The following SNTG1 variants were observed in gnomAD, a reference collection of about 807,000 sequenced individuals.
SNTG1 encodes the protein syntrophin gamma 1.
A neutral mutation model predicts 74.7 loss-of-function variants in SNTG1; 39 were observed. The observed-to-expected ratio is 0.52, with a 90% CI of 0.40 to 0.68. SNTG1 has a LOEUF of 0.68. Ranked by LOEUF, SNTG1 falls within the 30% of genes least tolerant of loss-of-function variation. The probability of loss-of-function intolerance (pLI) is 0.00; values close to 1 mark genes in which losing one functional copy is unlikely to be tolerated. For synonymous variants in SNTG1, 254 were observed against 217.1 expected, an observed-to-expected ratio of 1.17 and a Z score of -1.49; for missense variants, 685 against 609.5, an observed-to-expected ratio of 1.12 and a Z score of -1.30.
intron 2 of SNTG1, among the ~76,000 whole-genome samples, chr8:50,206,151 C>A (rs1322459227): frequency 3.3e-5 from 5 of 152,232 alleles, no homozygotes; most frequent in African/African-American, 1.2e-4. Flanking sequence ...CTATAAATTA[C>A]CTTGGGCAGT....
intron 1 of SNTG1, among the ~76,000 whole-genome samples, chr8:49,942,551 C>T (rs1220977558): frequency 5.3e-5 from 8 of 152,086 alleles, no homozygotes; most frequent in Non-Finnish European, 1.0e-4. Flanking sequence ...CTTCAAGATC[C>T]CACCCAGGAC....
At chr8:50,202,155 T>G (rs1429492423) in intron 2 of SNTG1, among the ~76,000 whole-genome samples, 1 of 152,174 alleles carries the variant, frequency 6.6e-6, no homozygotes, top group African/African-American at 2.4e-5. Flanking sequence ...TAGATTTTCT[T>G]ATCATGGTCT....
intron 1 of SNTG1, among the ~76,000 whole-genome samples, chr8:50,005,804 T>C (rs955332210): frequency 6.6e-6 from 1 of 152,012 alleles, no homozygotes; most frequent in Non-Finnish European, 1.5e-5. Context: ...ACTATTTTTT[T>C]TCAGTATTTT....
chr8:50,151,759 A>G (rs887533053), intron 1 of SNTG1, among the ~76,000 whole-genome samples: 21 of 152,162 alleles, frequency 1.4e-4, no homozygotes, highest in African/African-American at 5.1e-4. Context: ...GTTTGATTGC[A>G]CTGTGGTCTG....
At chr8:50,211,746 G>A (rs940157527) in intron 2 of SNTG1, among the ~76,000 whole-genome samples, 1 of 152,040 alleles carries the variant, frequency 6.6e-6, no homozygotes, top group Non-Finnish European at 1.5e-5. Flanking sequence ...AAGAAACATT[G>A]CAATTACAAA....
intron 2 of SNTG1, among the ~76,000 whole-genome samples, chr8:50,353,811 G>A (rs1481428994): frequency 1.3e-5 from 2 of 152,218 alleles, no homozygotes; most frequent in Non-Finnish European, 2.9e-5. Context: ...ATGTGAAAGA[G>A]TGAAGAATTG....
intron 13 of SNTG1, among the ~76,000 whole-genome samples, chr8:50,629,923 T>A (rs1450949762): frequency 6.6e-6 from 1 of 152,334 alleles, no homozygotes; most frequent in South Asian, 2.1e-4. Flanking sequence ...GCTGCTTCGA[T>A]ATTATAAATA....
At position 50,180,728 on chromosome 8, in the gene SNTG1, G is replaced by A. The variant is rs558631588; in HGVS notation, c.-28+8093G>A. ...AGCATTTTAGATTAATTTTGCTTGC[G>A]TTTCCCACCAGATTGTGAAGCCTTT... On this transcript the variant is annotated intron_variant, in intron 2 of 18. Coordinates refer to ENST00000642720, the MANE Select transcript of SNTG1 (RefSeq NM_018967.5). Among the ~76,000 whole-genome samples the A allele has an allele frequency of 2.1e-3, 251 of 120,948 alleles. 2 individuals are homozygous for A. Among genetic ancestry groups the A allele is most frequent in the African/African-American group, 7.3e-3 (230 of 31,502 alleles). 79.3% of individuals were successfully genotyped at this position (120,948 alleles called of 152,430 possible).
chr8:50,572,153 C>G (rs1474954647), intron 12 of SNTG1, among the ~76,000 whole-genome samples: 3 of 152,020 alleles, frequency 2.0e-5, no homozygotes, highest in Admixed American at 6.6e-5. Flanking sequence ...ACACCTGCCC[C>G]TATGAGAAGA....
At chr8:49,943,901 T>C (rs569259620) in intron 1 of SNTG1, among the ~76,000 whole-genome samples, 2 of 152,210 alleles carry the variant, frequency 1.3e-5, no homozygotes, top group South Asian at 2.1e-4. Context: ...TTAATTTGAG[T>C]AATGCATTTA....
chr8:50,564,893 A>G (rs889125817), intron 12 of SNTG1, among the ~76,000 whole-genome samples: 2 of 152,120 alleles, frequency 1.3e-5, no homozygotes, highest in Non-Finnish European at 2.9e-5. Flanking sequence ...ATTAATGTGT[A>G]TAGCAATCTT....
intron 1 of SNTG1, among the ~76,000 whole-genome samples, chr8:50,099,280 T>C (rs755172907): frequency 1.1e-4 from 17 of 152,216 alleles, no homozygotes; most frequent in Non-Finnish European, 1.9e-4. Flanking sequence ...AGAACCCAGA[T>C]ATTCTTTATA....
intron 17 of SNTG1, among the ~76,000 whole-genome samples, chr8:50,745,897 T>C (rs1468471364): frequency 1.3e-5 from 2 of 151,944 alleles, no homozygotes; most frequent in Non-Finnish European, 2.9e-5. Context: ...ATATGATTAA[T>C]GGGTACAGAG....
At chr8:49,942,532 T>C (rs937971982) in intron 1 of SNTG1, among the ~76,000 whole-genome samples, 1 of 152,218 alleles carries the variant, frequency 6.6e-6, no homozygotes, top group African/African-American at 2.4e-5. Context: ...TCTGCTGTTC[T>C]TTTTTCTGCT....
chr8:50,003,198 T>G (rs1363363310), intron 1 of SNTG1, among the ~76,000 whole-genome samples: 1 of 152,178 alleles, frequency 6.6e-6, no homozygotes, highest in Non-Finnish European at 1.5e-5. Flanking sequence ...TATGACTGTA[T>G]TAAAAACCAC....
At chr8:50,488,333 A>T (rs1489722963) in intron 8 of SNTG1, among the ~76,000 whole-genome samples, 1 of 152,230 alleles carries the variant, frequency 6.6e-6, no homozygotes, top group African/African-American at 2.4e-5. Flanking sequence ...AGTCTGCCAC[A>T]TATTAGGTGC....
At chr8:49,994,237 G>T (rs1377958118) in intron 1 of SNTG1, among the ~76,000 whole-genome samples, 2 of 147,016 alleles carry the variant, frequency 1.4e-5, no homozygotes, top group South Asian at 2.2e-4. Flanking sequence ...TAATATTCAA[G>T]ATTATTATTT....
At chr8:50,048,794 G>C (rs1819318856) in intron 1 of SNTG1, among the ~76,000 whole-genome samples, 1 of 151,928 alleles carries the variant, frequency 6.6e-6, no homozygotes, top group African/African-American at 2.4e-5. Flanking sequence ...TTTTACCTCT[G>C]ACCTGAAATT....
Position 50,211,392 on chromosome 8 carries a change from A to T in SNTG1, c.-28+38757A>T, listed in dbSNP as rs2084515105. 2.0e-5 allele frequency among the ~76,000 whole-genome samples: 3 copies of T among 152,110 alleles called. No individual in the cohort carries two copies. In the South Asian group the frequency reaches 6.2e-4, roughly 31 times the overall value. ...ATATTACATTTCATTTTCTCCATAT[A>T]ATTATATTCATTTAATAATAATTGA... On this transcript the variant is annotated intron_variant, in intron 2 of 18. Transcript: ENST00000642720.
Sources: gnomAD v4.1 joint callset for allele counts (sites outside exome capture counted in the v4.1 genomes callset) on GRCh38, gnomAD v4.1.1 for gene constraint, MANE v1.5 for transcripts, NCBI Gene and HGNC (gene_info 2026-07-23, HGNC 2026-07-21) for gene names.